The following ISCA1 variants were observed in gnomAD, a reference collection of about 807,000 sequenced individuals.
ISCA1 encodes the protein iron-sulfur cluster assembly 1 homolog, mitochondrial.
A neutral mutation model predicts 14.7 loss-of-function variants in ISCA1; 9 were observed. That is an observed-to-expected ratio of 0.61 (90% confidence interval 0.37 to 1.07). The LOEUF is 1.07. Among genes scored for constraint, ISCA1 ranks in the 50% least tolerant of loss-of-function variants. ISCA1 has a pLI of 0.01. For missense variants in ISCA1, 102 were observed against 150.1 expected (o/e 0.68, Z 1.67); for synonymous variants, 38 against 54.3 (o/e 0.70, Z 1.32).
chr9:86,278,928 A>C (rs956141453), intron 1 of ISCA1, among the ~76,000 whole-genome samples: 4 of 152,316 alleles, frequency 2.6e-5, no homozygotes, highest in Admixed American at 6.5e-5. Flanking sequence ...CTTAAAAAAA[A>C]CCATAATTTA....
At chr9:86,282,075 G>C in intron 1 of ISCA1, 1 of 427,938 alleles carries the variant, frequency 2.3e-6, no homozygotes, top group Middle Eastern at 6.4e-4. Context: ...GGAGTGTGGA[G>C]GCGATCGGCC....
At chr9:86,272,227 T>C (rs918536532) in intron 2 of ISCA1, 115 bp from the exon 3 acceptor site, 15 of 706,248 alleles carry the variant, frequency 2.1e-5, no homozygotes, top group Non-Finnish European at 3.5e-5. Flanking sequence ...TTATTTTTTG[T>C]AGGACAGGGT....
chr9:86,280,499 G>A (rs1356452240), intron 1 of ISCA1, among the ~76,000 whole-genome samples: 1 of 151,376 alleles, frequency 6.6e-6, no homozygotes, highest in Non-Finnish European at 1.5e-5. Flanking sequence ...AGGAGGCTGA[G>A]GCAGAGAGTT....
rs2131219027 is a variant in ISCA1 at position 86,265,617 on chromosome 9, T to TG, written c.*425dup. On this transcript the variant is annotated 3_prime_UTR_variant, in exon 4 of 4. Coordinates refer to ENST00000375991, the MANE Select transcript of ISCA1 (RefSeq NM_030940.4). ...ATGTATAAAAAGGCTATGTTAAGTT[T>TG]GGGTGGAAAAAACAATGCACCACCA... The TG allele has an allele frequency of 9.5e-6, 2 of 211,210 alleles. No homozygotes were observed. Among genetic ancestry groups the TG allele is most frequent in the African/African-American group, 4.7e-5 (2 of 42,824 alleles). The allele number at this position is 211,210 out of a possible 1,614,324, so 13.1% of individuals were successfully genotyped here.
intron 3 of ISCA1, among the ~76,000 whole-genome samples, chr9:86,269,444 T>C (rs1019303276): frequency 1.3e-5 from 2 of 151,902 alleles, no homozygotes; most frequent in African/African-American, 4.8e-5. Flanking sequence ...TAAAAAAGGA[T>C]ACAAACAAAT....
rs900342287 is a variant in ISCA1, at chr9:86,268,454, A to C, written c.242-2263T>G. 7.9e-5 allele frequency among the ~76,000 whole-genome samples: 12 copies of C among 151,742 alleles called. No individual in the cohort carries two copies. In the South Asian group the frequency reaches 8.3e-4, roughly 10 times the overall value. On this transcript the variant is annotated intron_variant, in intron 3 of 3. Coordinates refer to ENST00000375991, the MANE Select transcript of ISCA1 (RefSeq NM_030940.4). Reference sequence around the variant, plus strand: ...TATCACAAAAGAGTCAAAAAAAAAAAAAAAAACCCCAAAGCTTACAAAGTA... The same window carrying C: ...TATCACAAAAGAGTCAAAAAAAAAACAAAAAACCCCAAAGCTTACAAAGTA...
chr9:86,272,867 T>C (rs1292092543), intron 2 of ISCA1, among the ~76,000 whole-genome samples: 1 of 152,246 alleles, frequency 6.6e-6, no homozygotes, highest in Non-Finnish European at 1.5e-5. Flanking sequence ...TATACTGTAT[T>C]GTTTAGAGAA....
At position 86,282,463 on chromosome 9, in the gene ISCA1, G is replaced by C. The variant is rs908917305; in HGVS notation, c.-5C>G. 1.1e-5 allele frequency: 17 copies of C among 1,551,782 alleles called. No individual in the cohort carries two copies. The highest frequency in any genetic ancestry group is 1.5e-5 in the Non-Finnish European group (17 of 1,147,762). On this transcript the variant is annotated 5_prime_UTR_variant, in exon 1 of 4. Coordinates refer to ENST00000375991, the MANE Select transcript of ISCA1 (RefSeq NM_030940.4). ...CCGGACTAAGGAAGCCGACATCTTC[G>C]CCGTCCCGGCGCCCCGGTGCCTCGG... is the stretch of plus-strand genomic sequence containing the variant.
In ISCA1 at chr9:86,282,306, G is replaced by A. The variant is rs1825531097; in HGVS notation, c.81+72C>T. 8.1e-6 allele frequency: 12 copies of A among 1,474,156 alleles called. No homozygotes were observed. The South Asian group carries it at 9.1e-5, about 11-fold the overall frequency. 91.3% of individuals were successfully genotyped at this position (1,474,156 alleles called of 1,614,324 possible). ...CGTCCCTGCGGCCCCACTCCCGGCC[G>A]CCGTGACCTCCCCTTGCACGGGGCG... On this transcript the variant is annotated intron_variant, in intron 1 of 3. Transcript: ENST00000375991.
chr9:86,279,729 T>G (rs1275905611), intron 1 of ISCA1, among the ~76,000 whole-genome samples: 1 of 152,226 alleles, frequency 6.6e-6, no homozygotes, highest in African/African-American at 2.4e-5. Context: ...CTGAATTACG[T>G]ATACTTTTGT....
intron 1 of ISCA1, among the ~76,000 whole-genome samples, chr9:86,276,513 T>G (rs965862386): frequency 3.3e-5 from 5 of 152,164 alleles, no homozygotes; most frequent in African/African-American, 1.2e-4. Flanking sequence ...TCACTTACTG[T>G]CAAATAAAAA....
At chr9:86,273,439 G>C (rs755301118) in intron 2 of ISCA1, among the ~76,000 whole-genome samples, 2 of 152,172 alleles carry the variant, frequency 1.3e-5, no homozygotes, top group Non-Finnish European at 2.9e-5. Context: ...GTTTGCGGCA[G>C]CACTGAATGA....
At position 86,274,228 on chromosome 9, in the gene ISCA1, T is replaced by A; in HGVS notation, c.96A>T (p.Val32=). 2 of 1,592,820 alleles carry A rather than the reference T, an allele frequency of 1.3e-6. No homozygotes were observed. The highest frequency in any genetic ancestry group is 2.2e-5 in the South Asian group (2 of 90,510). ...CTTTAAGAAGTTGTTTTATCTTGTT[T>A]ACTGCTGAAGGTGTCTGAAAAAAGA... ...RAALTLTPSA[V]NKIKQLLKDK... The change falls in exon 2 of 4, where the codon GTA becomes GTT. Residue 32 remains valine (V), a synonymous_variant. Coordinates refer to ENST00000375991, the MANE Select transcript of ISCA1 (RefSeq NM_030940.4).
Position 86,282,460 on chromosome 9 carries a change from T to A in ISCA1, c.-2A>T, listed in dbSNP as rs376706009. The A allele has an allele frequency of 4.5e-6, 7 of 1,552,368 alleles. No homozygotes were observed. In the Admixed American group the frequency reaches 9.8e-5, roughly 22 times the overall value. On this transcript the variant is annotated 5_prime_UTR_variant, in exon 1 of 4. The change creates a new upstream start codon in the 5' untranslated region. Coordinates refer to ENST00000375991, the MANE Select transcript of ISCA1 (RefSeq NM_030940.4). ...TGCCCGGACTAAGGAAGCCGACATC[T>A]TCGCCGTCCCGGCGCCCCGGTGCCT...
chr9:86,271,203 G>A (rs781716573), intron 3 of ISCA1, among the ~76,000 whole-genome samples: 3 of 152,062 alleles, frequency 2.0e-5, no homozygotes, highest in Non-Finnish European at 2.9e-5. Flanking sequence ...GCACAGTCAC[G>A]TGCAGTACAG....
intron 3 of ISCA1, among the ~76,000 whole-genome samples, chr9:86,271,382 C>A (rs1825366916): frequency 6.6e-6 from 1 of 152,172 alleles, no homozygotes; most frequent in South Asian, 2.1e-4. Context: ...CGTCACATTT[C>A]TCAGAATGTA....
chr9:86,268,923 T>C (rs1373729263), intron 3 of ISCA1, among the ~76,000 whole-genome samples: 2 of 152,150 alleles, frequency 1.3e-5, no homozygotes, highest in African/African-American at 2.4e-5. Flanking sequence ...AGCCTCCCAG[T>C]AGCTGGGACT....
At chr9:86,268,111 T>TA (rs973454445) in intron 3 of ISCA1, among the ~76,000 whole-genome samples, 24 of 148,120 alleles carry the variant, frequency 1.6e-4, no homozygotes, top group African/African-American at 3.2e-4. Context: ...CTTCTACTTA[T>TA]AAAAAAAAAA....
At chr9:86,276,022 G>A (rs1825435967) in intron 1 of ISCA1, among the ~76,000 whole-genome samples, 1 of 152,146 alleles carries the variant, frequency 6.6e-6, no homozygotes, top group South Asian at 2.1e-4. Flanking sequence ...TGATTCAAAT[G>A]CATTACATTT....
Sources: allele counts gnomAD v4.1 joint callset (sites outside exome capture counted in the v4.1 genomes callset), GRCh38; gene constraint gnomAD v4.1.1; transcripts MANE v1.5; gene names NCBI Gene and HGNC (gene_info 2026-07-23, HGNC 2026-07-21).